The following FARS2 variants were observed in gnomAD, a reference collection of about 807,000 sequenced individuals.
FARS2 encodes phenylalanyl-tRNA synthetase 2, mitochondrial, also known as phenylalanine--tRNA ligase, mitochondrial.
Under a neutral mutation model 46.4 loss-of-function variants are expected in FARS2, and 40 were observed. The observed-to-expected ratio is 0.86, with a 90% confidence interval of 0.67 to 1.12. The LOEUF (loss-of-function observed/expected upper bound fraction) is 1.12. FARS2 is among the 50% of genes most tolerant of loss of function. The pLI is 0.00. For synonymous variants in FARS2, 234 were observed against 214.9 expected, an observed-to-expected ratio of 1.09 and a Z score of -0.78; for missense variants, 513 against 567.9, an observed-to-expected ratio of 0.90 and a Z score of 0.98.
At chr6:5,470,262 C>T (rs889905002) in intron 4 of FARS2, among the ~76,000 whole-genome samples, 3 of 152,182 alleles carry the variant, frequency 2.0e-5, no homozygotes, top group Non-Finnish European at 4.4e-5. Flanking sequence ...AGTATAGCAA[C>T]TATTTACATA....
intron 6 of FARS2, among the ~76,000 whole-genome samples, chr6:5,706,393 A>C (rs1170614232): frequency 1.3e-5 from 2 of 152,078 alleles, no homozygotes. Flanking sequence ...TGATTCTCCC[A>C]CATAGTATGC....
At chr6:5,562,811 T>C (rs111808989) in intron 5 of FARS2, among the ~76,000 whole-genome samples, 8,576 of 150,084 alleles carry the variant, frequency 0.057, 279 homozygotes, top group South Asian at 0.081. Context: ...TTTTTCTTTT[T>C]TTTTTTTTTT....
chr6:5,525,529 G>A (rs753555426), intron 4 of FARS2, among the ~76,000 whole-genome samples: 5 of 152,144 alleles, frequency 3.3e-5, no homozygotes, highest in East Asian at 1.9e-4. Flanking sequence ...TCTGATTACC[G>A]TAGCTTCATA....
Position 5,764,535 on chromosome 6 carries a change from T to C in FARS2, c.1218-6756T>C, listed in dbSNP as rs1373129793. Among the ~76,000 whole-genome samples, 1 of 152,134 alleles carries C rather than the reference T, an allele frequency of 6.6e-6. No individual in the cohort carries two copies. Among genetic ancestry groups the C allele is most frequent in the Non-Finnish European group, 1.5e-5 (1 of 68,020 alleles). ...AGGAGTGAGCCGGGGAAACCCAGTGTTTGTTACTCTGAAAATGGAAGCTGC... is the reference window on the plus strand; with the variant it reads ...AGGAGTGAGCCGGGGAAACCCAGTGCTTGTTACTCTGAAAATGGAAGCTGC... On this transcript the variant is annotated intron_variant, in intron 6 of 6. Transcript: ENST00000274680. This position sits in a 1 kb window ranked among gnomAD's most constrained non-coding sequence, Gnocchi z 4.1.
chr6:5,747,919 A>G (rs902980382), intron 6 of FARS2, among the ~76,000 whole-genome samples: 1 of 152,204 alleles, frequency 6.6e-6, no homozygotes, highest in African/African-American at 2.4e-5. Flanking sequence ...AAAAATCTAT[A>G]TCTGAAGCCT....
chr6:5,613,290 T>C lies in FARS2; in HGVS notation c.1187T>C (p.Val396Ala), dbSNP rs773601336. 1.2e-6 allele frequency: 2 copies of C among 1,613,490 alleles called. No individual in the cohort carries two copies. The highest frequency in any genetic ancestry group is 4.5e-5 in the East Asian group (2 of 44,794). Residue 396 changes from valine (V) to alanine (A), a missense_variant, in exon 6 of 7, where the codon GTT becomes GCT. Physicochemically the swap from Val to Ala is moderately conservative, Grantham distance 64. Transcript: ENST00000274680. ...ATTGGAGGAGACCTGGTGGAAAAGG[T>C]TGATCTCATAGACAAGTTTGTACAT... ...RTIGGDLVEK[V>A]DLIDKFVHPK...
intron 1 of FARS2, among the ~76,000 whole-genome samples, chr6:5,349,434 G>C (rs748802622): frequency 3.3e-5 from 5 of 152,116 alleles, no homozygotes; most frequent in Non-Finnish European, 7.4e-5. Flanking sequence ...CAATTCATAT[G>C]AAAATATCAG....
intron 6 of FARS2, among the ~76,000 whole-genome samples, chr6:5,681,062 G>C (rs900027957): frequency 2.0e-5 from 3 of 152,140 alleles, no homozygotes; most frequent in Non-Finnish European, 4.4e-5. Context: ...TTTGTGTTTT[G>C]TCAACACGAA....
intron 3 of FARS2, among the ~76,000 whole-genome samples, chr6:5,420,314 T>A (rs1762473519): frequency 6.6e-6 from 1 of 152,190 alleles, no homozygotes; most frequent in African/African-American, 2.4e-5. Context: ...TGTCCTCACA[T>A]TTCAAAACCA....
At chr6:5,330,696 A>G (rs1451456327) in intron 1 of FARS2, among the ~76,000 whole-genome samples, 1 of 152,198 alleles carries the variant, frequency 6.6e-6, no homozygotes, top group Non-Finnish European at 1.5e-5. Flanking sequence ...CCAGAGATAT[A>G]TTCGTTCACT....
rs144452424 is a variant in FARS2, at chr6:5,464,260, C to T, written c.904+33088C>T. On this transcript the variant is annotated intron_variant, in intron 4 of 6. Coordinates refer to ENST00000274680, the MANE Select transcript of FARS2 (RefSeq NM_006567.5). ...CCAGCTGAGCTTGAGGAACAGGCTG[C>T]GACTCGGCAGAGCAGCTGGTTTGAT... 4.7e-4 allele frequency among the ~76,000 whole-genome samples: 71 copies of T among 152,308 alleles called. 2 individuals are homozygous for T. In the East Asian group the frequency reaches 9.3e-3, roughly 20 times the overall value.
intron 3 of FARS2, among the ~76,000 whole-genome samples, chr6:5,405,650 G>A (rs372780674): frequency 3.3e-4 from 50 of 151,832 alleles, no homozygotes; most frequent in Middle Eastern, 3.4e-3. Context: ...CCACCACCAC[G>A]CCTGGTTAAT....
intron 1 of FARS2, among the ~76,000 whole-genome samples, chr6:5,324,969 C>A (rs1048573963): frequency 6.6e-6 from 1 of 152,148 alleles, no homozygotes; most frequent in African/African-American, 2.4e-5. Flanking sequence ...CAAGCTCTGG[C>A]AAACACATCT....
chr6:5,692,262 C>T (rs1757789722), intron 6 of FARS2, among the ~76,000 whole-genome samples: 1 of 152,210 alleles, frequency 6.6e-6, no homozygotes, highest in African/African-American at 2.4e-5. Flanking sequence ...GCAGAAATCA[C>T]CCGTCTTCTG....
At chr6:5,449,288 G>T (rs989275561) in intron 4 of FARS2, among the ~76,000 whole-genome samples, 1 of 144,292 alleles carries the variant, frequency 6.9e-6, no homozygotes, top group African/African-American at 2.6e-5. Context: ...GGCAGAGGTT[G>T]CAGTGAGCCA....
intron 3 of FARS2, among the ~76,000 whole-genome samples, chr6:5,426,217 T>C (rs11752504): frequency 0.16 from 24,010 of 152,224 alleles, 2,561 homozygotes; most frequent in East Asian, 0.46. Context: ...CCACTAGATA[T>C]ATAGTTCATA....
At chr6:5,628,057 A>G (rs1238464838) in intron 6 of FARS2, among the ~76,000 whole-genome samples, 1 of 152,234 alleles carries the variant, frequency 6.6e-6, no homozygotes, top group Non-Finnish European at 1.5e-5. Flanking sequence ...GGTTGGTCAT[A>G]TCCTATACAA....
chr6:5,587,221 T>C (rs1243795107), intron 5 of FARS2, among the ~76,000 whole-genome samples: 2 of 152,214 alleles, frequency 1.3e-5, no homozygotes, highest in Non-Finnish European at 2.9e-5. Flanking sequence ...TTAAGGAATA[T>C]GTAAAACAGT....
intron 6 of FARS2, among the ~76,000 whole-genome samples, chr6:5,770,042 G>A (rs555345314): frequency 1.1e-3 from 171 of 152,312 alleles, no homozygotes; most frequent in African/African-American, 3.8e-3. Flanking sequence ...AAGGGCTCTG[G>A]CATTCAGATG....
Sources: gnomAD v4.1 joint callset for allele counts (sites outside exome capture counted in the v4.1 genomes callset) on GRCh38, gnomAD v4.1.1 for gene constraint, Gnocchi (gnomAD v3.1) non-coding constraint, MANE v1.5 for transcripts, NCBI Gene and HGNC (gene_info 2026-07-23, HGNC 2026-07-21) for gene names.